The following LIPC variants were observed in gnomAD, a reference collection of about 807,000 sequenced individuals.
LIPC encodes the protein lipase C, hepatic type.
LIPC carries 44 observed loss-of-function variants against 50.7 expected under a neutral mutation model. The ratio of observed to expected loss-of-function variants is 0.87; its 90% CI spans 0.68 to 1.11. The LOEUF is 1.11. Among genes scored for constraint, LIPC ranks in the 50% most tolerant of loss-of-function variants. The pLI, the probability that LIPC is intolerant of heterozygous loss-of-function variation, is 0.00. For synonymous variants in LIPC, 271 were observed against 256.4 expected (o/e 1.06, Z -0.54); for missense variants, 697 against 648.2 (o/e 1.08, Z -0.82).
intron 1 of LIPC, among the ~76,000 whole-genome samples, chr15:58,486,847 A>G (rs1377486226): frequency 6.6e-6 from 1 of 152,236 alleles, no homozygotes; most frequent in South Asian, 2.1e-4. Flanking sequence ...TAATTCAACT[A>G]TAGGTGCTTG....
chr15:58,533,746 A>G (rs1276708956), intron 1 of LIPC, among the ~76,000 whole-genome samples: 1 of 152,234 alleles, frequency 6.6e-6, no homozygotes, highest in African/African-American at 2.4e-5. Flanking sequence ...AAATATCTCC[A>G]TAAGAAAACA....
rs558577459 is a variant in LIPC, at chr15:58,482,493, T to C, written c.88+50373T>C. Among the ~76,000 whole-genome samples the C allele has an allele frequency of 4.6e-5, 7 of 152,322 alleles. 1 individual carries two copies. The highest frequency in any genetic ancestry group is 1.7e-4 in the African/African-American group (7 of 41,582). ...GTTGACCTAACCTCTCTAGGTCTTA[T>C]GGCTTCATCCATAAAATGGACAATT... On this transcript the variant is annotated intron_variant, in intron 1 of 8. Transcript: ENST00000299022.
chr15:58,470,730 G>C (rs1394799601), intron 1 of LIPC, among the ~76,000 whole-genome samples: 7 of 151,906 alleles, frequency 4.6e-5, no homozygotes, highest in Admixed American at 4.6e-4. Context: ...CTCCCCAGTA[G>C]CTGGGACTAC....
chr15:58,466,331 AG>A (rs751738377), intron 1 of LIPC, among the ~76,000 whole-genome samples: 11 of 152,332 alleles, frequency 7.2e-5, no homozygotes, highest in East Asian at 3.9e-4. Context: ...ACACTCTTTA[AG>A]GCAGCCTTTG....
At chr15:58,462,380 C>A (rs1436125473) in intron 1 of LIPC, among the ~76,000 whole-genome samples, 1 of 152,198 alleles carries the variant, frequency 6.6e-6, no homozygotes, top group Non-Finnish European at 1.5e-5. Flanking sequence ...CTTCTGGCAC[C>A]AACCCTATTC....
At chr15:58,496,004 G>T (rs1891751476) in intron 1 of LIPC, among the ~76,000 whole-genome samples, 1 of 152,214 alleles carries the variant, frequency 6.6e-6, no homozygotes, top group African/African-American at 2.4e-5. Flanking sequence ...GAAAAGGGAA[G>T]CTTGAGGAGA....
chr15:58,450,631 G>C (rs1399411399), intron 1 of LIPC, among the ~76,000 whole-genome samples: 2 of 152,190 alleles, frequency 1.3e-5, no homozygotes, highest in Non-Finnish European at 2.9e-5. Context: ...GCATTGAAAT[G>C]TTACATGGGT....
chr15:58,486,517 C>A (rs1286705888), intron 1 of LIPC, among the ~76,000 whole-genome samples: 2 of 152,220 alleles, frequency 1.3e-5, no homozygotes. Flanking sequence ...AAGCCCTGTG[C>A]CTTGTTCATC....
At chr15:58,532,921 G>C (rs1442883485) in intron 1 of LIPC, among the ~76,000 whole-genome samples, 1 of 152,224 alleles carries the variant, frequency 6.6e-6, no homozygotes, top group Non-Finnish European at 1.5e-5. Flanking sequence ...TATTAGAAAT[G>C]TAATGGCTGG....
At chr15:58,451,507 CCA>C (rs1893897660) in intron 1 of LIPC, among the ~76,000 whole-genome samples, 1 of 152,242 alleles carries the variant, frequency 6.6e-6, no homozygotes, top group East Asian at 1.9e-4. Context: ...TCCAGAGAGA[CCA>C]CACTTCATCA....
intron 5 of LIPC, among the ~76,000 whole-genome samples, chr15:58,546,656 C>A (rs186622529): frequency 6.6e-6 from 1 of 152,166 alleles, no homozygotes; most frequent in Non-Finnish European, 1.5e-5. Context: ...GCACATTCCA[C>A]GGGCATTCCA....
chr15:58,484,337 G>A (rs1891292765), intron 1 of LIPC, among the ~76,000 whole-genome samples: 1 of 152,168 alleles, frequency 6.6e-6, no homozygotes, highest in African/African-American at 2.4e-5. Context: ...ATTCGTCCCT[G>A]CCCTCAAAAG....
At chr15:58,563,479 T>A (rs1341770058) in intron 7 of LIPC, 26 bp from the exon 8 acceptor site, 3 of 1,569,330 alleles carry the variant, frequency 1.9e-6, no homozygotes, top group African/African-American at 2.7e-5. Context: ...AAACTGATTG[T>A]GTCTGATTTT....
At chr15:58,494,687 C>T (rs574943455) in intron 1 of LIPC, 27 of 448,180 alleles carry the variant, frequency 6.0e-5, no homozygotes, top group African/African-American at 4.2e-4. Flanking sequence ...CAATACCCAG[C>T]GTCAGATAAT....
At chr15:58,483,285 G>A (rs1396573484) in intron 1 of LIPC, among the ~76,000 whole-genome samples, 2 of 152,176 alleles carry the variant, frequency 1.3e-5, no homozygotes, top group Non-Finnish European at 2.9e-5. Context: ...ATTAAGAAAT[G>A]ACCCTTGGTA....
chr15:58,565,178 G>A, intron 8 of LIPC: 3 of 1,534,904 alleles, frequency 2.0e-6, no homozygotes, highest in Non-Finnish European at 2.6e-6. Flanking sequence ...TCTGCCAACA[G>A]ATCTCCCAAC....
rs749128518 is a variant in LIPC, at chr15:58,565,189, A to G, written c.1388+1466A>G. 19 of 1,535,414 alleles carry G rather than the reference A, an allele frequency of 1.2e-5. No individual in the cohort carries two copies. The South Asian group carries it at 2.3e-4, about 18-fold the overall frequency. On this transcript the variant is annotated intron_variant, in intron 8 of 8. Transcript: ENST00000299022. The stretch of plus-strand genomic sequence containing the variant: ...GCCGTCTGCCAACAGATCTCCCAAC[A>G]GGATCAATCTGGGAAGATTAAACTG...
rs149476783 is a variant in LIPC at position 58,516,338 on chromosome 15, A to G, written c.89-21995A>G. 2.3e-3 allele frequency among the ~76,000 whole-genome samples: 312 copies of G among 135,674 alleles called. 1 individual carries two copies. The highest frequency in any genetic ancestry group is 7.5e-3 in the African/African-American group (269 of 36,086). 89.0% of individuals were successfully genotyped at this position (135,674 alleles called of 152,430 possible). A position where few individuals can be genotyped will look rare whatever the true frequency, so the allele number is the denominator to read the frequency against. Reference sequence around the variant, plus strand: ...CTCATATTTTTTGTGTTTTGAGATCATTGATCATCTTGGATCTATGTATTT... The same window carrying G: ...CTCATATTTTTTGTGTTTTGAGATCGTTGATCATCTTGGATCTATGTATTT... On this transcript the variant is annotated intron_variant, in intron 1 of 8. Coordinates refer to ENST00000299022, the MANE Select transcript of LIPC (RefSeq NM_000236.3).
At chr15:58,549,801 G>C (rs370523185) in intron 6 of LIPC, among the ~76,000 whole-genome samples, 2 of 152,190 alleles carry the variant, frequency 1.3e-5, no homozygotes, top group Admixed American at 1.3e-4. Flanking sequence ...CGGGCCAAAG[G>C]GTCCCTCCAC....
Sources: gnomAD v4.1 joint callset for allele counts (sites outside exome capture counted in the v4.1 genomes callset) on GRCh38, gnomAD v4.1.1 for gene constraint, MANE v1.5 for transcripts, NCBI Gene and HGNC (gene_info 2026-07-23, HGNC 2026-07-21) for gene names.